Variants in DPP9 observed in about 807,000 individuals in gnomAD.
The protein encoded by DPP9 is dipeptidyl peptidase IV-related protein-2.
In DPP9, 50 loss-of-function variants were observed where a neutral mutation model predicts 110.7. The observed-to-expected ratio is 0.45, with a 90% CI of 0.36 to 0.57. The LOEUF (loss-of-function observed/expected upper bound fraction) is 0.57, where lower values mean the gene tolerates loss of function less well. DPP9 is among the 20% of genes least tolerant of loss of function. The pLI is 0.00. For synonymous variants in DPP9, 561 were observed against 514.4 expected (o/e 1.09, Z -1.23); for missense variants, 1,022 against 1,217.9 (o/e 0.84, Z 2.39).
Position 4,688,788 on chromosome 19 carries a change from G to A in DPP9, c.1854C>T (p.Pro618=), listed in dbSNP as rs771949867. 6.8e-7 allele frequency: 1 copy of A among 1,471,506 alleles called. No homozygotes were observed. Among genetic ancestry groups the A allele is most frequent in the South Asian group, 1.4e-5 (1 of 69,226 alleles). 91.2% of individuals were successfully genotyped at this position (1,471,506 alleles called of 1,614,324 possible). ...GPDDDPLHKQ[P]RFWASMMEAA... ...CCTCCATCATGCTAGCCCAGAAGCG[G>A]GGCTGCTTGTGCAGGGGGTCGTCGT... The change falls in exon 16 of 22, where the codon CCC becomes CCT. Residue 618 remains proline, a synonymous_variant. Transcript: ENST00000262960.
intron 16 of DPP9, 29 bp downstream of exon 16, chr19:4,688,728 C>T: frequency 7.1e-7 from 1 of 1,407,436 alleles, no homozygotes; most frequent in South Asian, 1.7e-5. Flanking sequence ...GGGCGGAGGC[C>T]TCCGTGGGGC....
rs1357772858 is a variant in DPP9 at position 4,685,193 on chromosome 19, C to G, written c.2032-384G>C. The stretch of plus-strand genomic sequence containing the variant: ...CGCAGTGGTGATGAACCACAAAGTA[C>G]CCAGACATCGCCCCGTATCCTCTGT... On this transcript the variant is annotated intron_variant, in intron 17 of 21. Coordinates refer to ENST00000262960, the MANE Select transcript of DPP9 (RefSeq NM_139159.5). This position sits in a 1 kb window ranked among gnomAD's most constrained non-coding sequence, Gnocchi z 5.8. 3.8e-6 allele frequency: 2 copies of G among 525,530 alleles called. No homozygotes were observed. The highest frequency in any genetic ancestry group is 1.0e-4 in the East Asian group (2 of 20,066). 32.6% of individuals were successfully genotyped at this position (525,530 alleles called of 1,614,324 possible). A position where few individuals can be genotyped will look rare whatever the true frequency, so the allele number is the denominator to read the frequency against.
rs1171403577 is a variant in DPP9 at position 4,685,487 on chromosome 19, G to A, written c.2031+139C>T. 4 of 977,038 alleles carry A rather than the reference G, an allele frequency of 4.1e-6. No homozygotes were observed. The highest frequency in any genetic ancestry group is 2.1e-4 in the Middle Eastern group (1 of 4,786). 60.5% of individuals were successfully genotyped at this position (977,038 alleles called of 1,614,324 possible). A position where few individuals can be genotyped will look rare whatever the true frequency, so the allele number is the denominator to read the frequency against. ...CCGAGGACCCTGTGTAGTCAGGGCAGGCGGGGTGGGCTGGGGCACCAGGCA... is the reference window on the plus strand; with the variant it reads ...CCGAGGACCCTGTGTAGTCAGGGCAAGCGGGGTGGGCTGGGGCACCAGGCA... On this transcript the variant is annotated intron_variant, in intron 17 of 21. Transcript: ENST00000262960. The surrounding 1 kb of genome is among the most constrained non-coding windows in gnomAD (Gnocchi z 5.8).
At chr19:4,691,480 A>C (rs1016791987) in intron 13 of DPP9, among the ~76,000 whole-genome samples, 1 of 151,382 alleles carries the variant, frequency 6.6e-6, no homozygotes, top group Non-Finnish European at 1.5e-5. Flanking sequence ...TCTCAAAAAA[A>C]AAAAACAAAA....
chr19:4,721,856 G>A (rs531389550), intron 2 of DPP9, among the ~76,000 whole-genome samples: 89 of 152,290 alleles, frequency 5.8e-4, no homozygotes, highest in African/African-American at 1.9e-3. Flanking sequence ...AAGTCACCAC[G>A]AAAAATCACT....
chr19:4,683,825 C>T (rs1323617384), intron 18 of DPP9, 196 bp from the exon 19 acceptor site: 24 of 1,533,788 alleles, frequency 1.6e-5, no homozygotes, highest in Non-Finnish European at 2.0e-5. Flanking sequence ...AGCCATCTTG[C>T]TCTGCCACCT....
intron 10 of DPP9, among the ~76,000 whole-genome samples, chr19:4,699,819 CCCCCAGCCATCT>C (rs1420299090): frequency 6.6e-6 from 1 of 152,208 alleles, no homozygotes; most frequent in Non-Finnish European, 1.5e-5. Context: ...AAGTTGGGGT[CCCCCAGCCATCT>C]GCCCCACGGA....
At chr19:4,703,066 C>T (rs1448432705) in intron 7 of DPP9, among the ~76,000 whole-genome samples, 2 of 151,278 alleles carry the variant, frequency 1.3e-5, no homozygotes, top group Admixed American at 6.6e-5. Context: ...TGGACATCGC[C>T]GAGTGGCCAG....
intron 3 of DPP9, chr19:4,717,717 T>TA (rs2093142587): frequency 6.6e-6 from 1 of 152,262 alleles, no homozygotes; most frequent in African/African-American, 2.4e-5. Context: ...TGGATGTGGC[T>TA]AGACTCTTTA....
chr19:4,711,099 G>A (rs568263695), intron 4 of DPP9, among the ~76,000 whole-genome samples: 8 of 152,256 alleles, frequency 5.3e-5, no homozygotes, highest in African/African-American at 1.2e-4. Context: ...GAGGGGTTGC[G>A]GAGGACAGGT....
Position 4,689,841 on chromosome 19 carries a change from G to T in DPP9, c.1597-119C>A. On this transcript the variant is annotated intron_variant, in intron 14 of 21. Transcript: ENST00000262960. The surrounding 1 kb of genome is among the most constrained non-coding windows in gnomAD (Gnocchi z 7.0). ...CGGACTGGGGACGCATGCTGTCCTC[G>T]CCCAAGTCTGGCTTTAGGGCTGGAG... 1 of 1,129,656 alleles carries T rather than the reference G, an allele frequency of 8.9e-7. No individual in the cohort carries two copies. Among genetic ancestry groups the T allele is most frequent in the Non-Finnish European group, 1.2e-6 (1 of 822,124 alleles). The allele number at this position is 1,129,656 out of a possible 1,614,324, so 70.0% of individuals were successfully genotyped here.
At chr19:4,722,267 T>C in intron 2 of DPP9, 1 of 526,292 alleles carries the variant, frequency 1.9e-6, no homozygotes, top group South Asian at 2.5e-5. Context: ...CTCCCCTTCC[T>C]CTCCTCAAAG....
rs573214241 is a variant in DPP9 at position 4,718,841 on chromosome 19, A to G, written c.56+1010T>C. The stretch of plus-strand genomic sequence containing the variant: ...TTCCCTTCCCAGCTGAGCATGCTCC[A>G]TTGAAGCAAACAAGCCTAAGAGTAT... On this transcript the variant is annotated intron_variant, in intron 3 of 21. Transcript: ENST00000262960. This position sits in a 1 kb window ranked among gnomAD's most constrained non-coding sequence, Gnocchi z 4.3. Among the ~76,000 whole-genome samples the G allele has an allele frequency of 6.6e-6, 1 of 152,270 alleles. No homozygotes were observed. The highest frequency in any genetic ancestry group is 6.5e-5 in the Admixed American group (1 of 15,292).
intron 4 of DPP9, among the ~76,000 whole-genome samples, chr19:4,709,227 TTTG>T (rs1211812381): frequency 1.3e-5 from 2 of 151,820 alleles, no homozygotes; most frequent in East Asian, 1.9e-4. Context: ...CAGTTGTTTG[TTTG>T]TTTTTTTTTT....
At chr19:4,686,901 C>T (rs746842569) in intron 16 of DPP9, among the ~76,000 whole-genome samples, 11 of 152,162 alleles carry the variant, frequency 7.2e-5, no homozygotes, top group Non-Finnish European at 1.3e-4. Context: ...GCTGCGGTAG[C>T]GCTAATGTGG....
intron 19 of DPP9, chr19:4,683,089 CT>C: frequency 6.7e-7 from 1 of 1,486,566 alleles, no homozygotes; most frequent in Non-Finnish European, 8.9e-7. Context: ...CCGGGTCCCA[CT>C]GCCCGTCTGC....
intron 4 of DPP9, among the ~76,000 whole-genome samples, chr19:4,712,852 G>T (rs1046482797): frequency 1.3e-5 from 2 of 152,206 alleles, no homozygotes; most frequent in Admixed American, 1.3e-4. Context: ...TGTCCACCTC[G>T]GTCACTGTTG....
At position 4,682,820 on chromosome 19, in the gene DPP9, G is replaced by A; in HGVS notation, c.2350C>T (p.Pro784Ser). Residue 784 changes from proline (P) to serine (S), a missense_variant, in exon 20 of 22, where the codon CCG (proline) becomes TCG (serine). Pro to Ser is a moderately conservative substitution (Grantham distance 74). This residue lies in a region of DPP9 where 209 missense variants were observed against 280.4 expected (regional missense o/e 0.75). Transcript: ENST00000262960. This position sits in a 1 kb window ranked among gnomAD's most constrained non-coding sequence, Gnocchi z 7.1. ...TCGTAGGCCATCCAGACGGTGACCG[G>A]GGCACCCGCGATGGCCACCTGAGGG... ...QVFKVAIAGA[P>S]VTVWMAYDTG... is the part of the protein sequence containing the mutation. The A allele has an allele frequency of 6.3e-7, 1 of 1,588,530 alleles. No individual in the cohort carries two copies. The highest frequency in any genetic ancestry group is 1.1e-5 in the South Asian group (1 of 87,350).
chr19:4,689,586 C>T lies in DPP9; in HGVS notation c.1733G>A (p.Ser578Asn), dbSNP rs2091122329. Residue 578 changes from serine (S) to asparagine (N), a missense_variant, in exon 15 of 22, where the codon AGC becomes AAC. Physicochemically the swap from Ser to Asn is conservative, Grantham distance 46. Transcript: ENST00000262960. This position sits in a 1 kb window ranked among gnomAD's most constrained non-coding sequence, Gnocchi z 7.0. ...VRLTTPGFSHSCSMSQNFDMF... is the reference protein window; with the variant it reads ...VRLTTPGFSHNCSMSQNFDMF... Reference sequence around the variant, plus strand: ...CGGTCCCACCTGGCTCATGGAGCAGCTATGGGAGAAGCCGGGCGTGGTGAG... The same window carrying T: ...CGGTCCCACCTGGCTCATGGAGCAGTTATGGGAGAAGCCGGGCGTGGTGAG... 6.4e-7 allele frequency: 1 copy of T among 1,566,610 alleles called. No homozygotes were observed. Among genetic ancestry groups the T allele is most frequent in the African/African-American group, 1.4e-5 (1 of 73,838 alleles).
Sources: allele counts gnomAD v4.1 joint callset (sites outside exome capture counted in the v4.1 genomes callset), GRCh38; gene constraint gnomAD v4.1.1; regional missense constraint gnomAD v4.1.1; non-coding constraint Gnocchi (gnomAD v3.1); transcripts MANE v1.5; gene names NCBI Gene and HGNC (gene_info 2026-07-23, HGNC 2026-07-21).